SYNE1: variants seen among roughly 807,000 people sequenced by gnomAD.
SYNE1 encodes the protein nesprin-1.
A neutral mutation model predicts 1,111.0 loss-of-function variants in SYNE1; 616 were observed. The observed-to-expected ratio is 0.55, with a 90% CI of 0.52 to 0.59. The LOEUF is 0.59. Among genes scored for constraint, SYNE1 ranks in the 20% least tolerant of loss-of-function variants. The pLI is 0.00. For missense variants in SYNE1, 10,006 were observed against 10,417.0 expected (o/e 0.96, Z 1.72); for synonymous variants, 3,855 against 3,825.8 (o/e 1.01, Z -0.28).
At position 152,419,579 on chromosome 6, in the gene SYNE1, G is replaced by A. The variant is rs1057488084; in HGVS notation, c.5411C>T (p.Thr1804Ile). The change falls in exon 40 of 146, where the codon ACT becomes ATT. Residue 1804 changes from threonine to isoleucine, a missense_variant. By Grantham distance (89) the Thr-to-Ile change is moderately conservative. Around this residue, in one of 7 missense-constraint regions of SYNE1, gnomAD observed 4,955 missense variants for 5,017.2 expected, o/e 0.99. Transcript: ENST00000367255. ...AAAAAACCACTTTACCTTATGCCGAGTAAGGGCTACTTGATGGTCCATTAT... is the reference window on the plus strand; with the variant it reads ...AAAAAACCACTTTACCTTATGCCGAATAAGGGCTACTTGATGGTCCATTAT... ...ISIMDHQVAL[T>I]RHKDHAAEVE... is the part of the protein sequence containing the mutation. 1.2e-6 allele frequency: 2 copies of A among 1,612,204 alleles called. No individual in the cohort carries two copies. The highest frequency in any genetic ancestry group is 1.1e-5 in the South Asian group (1 of 91,012).
At chr6:152,193,804 G>T (rs1404065657) in intron 127 of SYNE1, among the ~76,000 whole-genome samples, 1 of 151,956 alleles carries the variant, frequency 6.6e-6, no homozygotes, top group Non-Finnish European at 1.5e-5. Flanking sequence ...GAGGTTAGGA[G>T]ATCGAAACCA....
chr6:152,625,704 A>G (rs1185442411), intron 3 of SYNE1, among the ~76,000 whole-genome samples: 1 of 152,220 alleles, frequency 6.6e-6, no homozygotes, highest in Admixed American at 6.5e-5. Context: ...TAATAAAATT[A>G]CTAGTTTTAT....
intron 5 of SYNE1, among the ~76,000 whole-genome samples, chr6:152,523,780 T>C (rs2099151571): frequency 6.6e-6 from 1 of 152,106 alleles, no homozygotes; most frequent in African/African-American, 2.4e-5. Context: ...CTTGATTAAA[T>C]ATGTTCCTAG....
Position 152,344,171 on chromosome 6 carries a change from C to T in SYNE1, c.12135G>A (p.Leu4045=), listed in dbSNP as rs751685109. Reference sequence around the variant, plus strand: ...CAGAAAGCCAGGCCTGGCACTGCTGCAGGGTGTCTTGTCGGCTGACGTGCT... The same window carrying T: ...CAGAAAGCCAGGCCTGGCACTGCTGTAGGGTGTCTTGTCGGCTGACGTGCT... ...LQKHVSRQDT[L]QQCQAWLSAV... The change falls in exon 74 of 146, where the codon CTG becomes CTA. Residue 4045 remains leucine, a synonymous_variant. Transcript: ENST00000367255. 18 of 1,614,238 alleles carry T rather than the reference C, an allele frequency of 1.1e-5. No homozygotes were observed. The highest frequency in any genetic ancestry group is 1.5e-5 in the Non-Finnish European group (18 of 1,180,048).
intron 99 of SYNE1, among the ~76,000 whole-genome samples, chr6:152,268,916 T>C (rs1026891028): frequency 6.6e-6 from 1 of 152,260 alleles, no homozygotes; most frequent in Non-Finnish European, 1.5e-5. Flanking sequence ...AGAGCCATGT[T>C]ACACTATTTG....
At chr6:152,527,848 T>G (rs1324570067) in intron 4 of SYNE1, among the ~76,000 whole-genome samples, 3 of 152,186 alleles carry the variant, frequency 2.0e-5, no homozygotes, top group Admixed American at 6.5e-5. Context: ...AATACACAGG[T>G]GTCTGCCACT....
chr6:152,573,878 G>A (rs2099484370), intron 3 of SYNE1, among the ~76,000 whole-genome samples: 1 of 152,046 alleles, frequency 6.6e-6, no homozygotes, highest in African/African-American at 2.4e-5. Flanking sequence ...AACAAAACAG[G>A]TTCATTGTTA....
chr6:152,220,853 G>C lies in SYNE1; in HGVS notation c.21850C>G (p.Gln7284Glu). ...IADDEVATWI[Q>E]DCNDLLKGLG... Reference sequence around the variant, plus strand: ...GCTCCTGAACATACGTTGCAATCTTGAATCCATGTGGCAACCTCATCATCG... The same window carrying C: ...GCTCCTGAACATACGTTGCAATCTTCAATCCATGTGGCAACCTCATCATCG... The change falls in exon 119 of 146, where the codon CAA (glutamine) becomes GAA (glutamate). Residue 7284 changes from glutamine (Q) to glutamate (E), a missense_variant. Gln to Glu is a conservative substitution (Grantham distance 29). This residue lies in a region of SYNE1 where 2,182 missense variants were observed against 2,287.8 expected (regional missense o/e 0.95). Transcript: ENST00000367255. 1.2e-6 allele frequency: 2 copies of C among 1,613,784 alleles called. No individual in the cohort carries two copies. The highest frequency in any genetic ancestry group is 1.7e-6 in the Non-Finnish European group (2 of 1,179,932).
chr6:152,462,861 C>A lies in SYNE1; in HGVS notation c.2127G>T (p.Met709Ile), dbSNP rs764341552. 3 of 1,613,946 alleles carry A rather than the reference C, an allele frequency of 1.9e-6. No individual in the cohort carries two copies. The highest frequency in any genetic ancestry group is 2.5e-6 in the Non-Finnish European group (3 of 1,179,922). Residue 709 changes from methionine to isoleucine, a missense_variant, in exon 20 of 146, where the codon ATG (methionine) becomes ATT (isoleucine). Met to Ile is a conservative substitution (Grantham distance 10). Coordinates refer to ENST00000367255, the MANE Select transcript of SYNE1 (RefSeq NM_182961.4). Reference protein sequence around the residue: ...QYAQADEMDRMKKEYTDCVVT... With the variant: ...QYAQADEMDRIKKEYTDCVVT... ...CAACACAGTCTGTGTATTCCTTCTT[C>A]ATTCTGTCCATCTCATCAGCTTGAG... is the stretch of plus-strand genomic sequence containing the variant.
At chr6:152,218,980 G>A (rs1256482190) in intron 120 of SYNE1, 23 bp downstream of exon 120, 4 of 1,610,662 alleles carry the variant, frequency 2.5e-6, no homozygotes, top group African/African-American at 2.7e-5. Context: ...ATATACAGAA[G>A]ATACTAAATA....
intron 145 of SYNE1, among the ~76,000 whole-genome samples, chr6:152,123,070 T>C (rs2051947068): frequency 6.6e-6 from 1 of 152,230 alleles, no homozygotes; most frequent in Non-Finnish European, 1.5e-5. Context: ...AAGAATATCA[T>C]GAACATTGTT....
intron 131 of SYNE1, among the ~76,000 whole-genome samples, chr6:152,163,822 G>T (rs187467181): frequency 5.3e-5 from 8 of 152,246 alleles, no homozygotes; most frequent in Admixed American, 5.2e-4. Flanking sequence ...ATGGTAGTGG[G>T]CTAGGGCTAG....
intron 31 of SYNE1, 110 bp from the exon 32 acceptor site, chr6:152,441,380 TCA>T: frequency 1.7e-6 from 2 of 1,150,098 alleles, no homozygotes; most frequent in South Asian, 1.4e-5. Context: ...ATTTCAAATT[TCA>T]CACAGTCACA....
chr6:152,468,318 C>T (rs2098783478), intron 16 of SYNE1, among the ~76,000 whole-genome samples: 1 of 152,204 alleles, frequency 6.6e-6, no homozygotes, highest in Admixed American at 6.5e-5. Context: ...TGAATATTCA[C>T]ACTATGTTGC....
At position 152,428,401 on chromosome 6, in the gene SYNE1, A is replaced by C; in HGVS notation, c.4789-9T>G. ...AGGGCCTGGCAGAGATCCTAAGAAG[A>C]GTGCGAGAAGAATGCAGTGAAAGCA... On this transcript the variant is annotated splice_polypyrimidine_tract_variant and intron_variant, in intron 36 of 145. Transcript: ENST00000367255. 7 of 1,613,146 alleles carry C rather than the reference A, an allele frequency of 4.3e-6. No individual in the cohort carries two copies. Among genetic ancestry groups the C allele is most frequent in the Non-Finnish European group, 3.4e-6 (4 of 1,180,026 alleles).
intron 11 of SYNE1, 145 bp from the exon 12 acceptor site, chr6:152,488,648 T>C (rs2098954050): frequency 3.7e-6 from 2 of 542,486 alleles, no homozygotes; most frequent in Non-Finnish European, 6.5e-6. Context: ...TACCCCCACC[T>C]TTAGGACAGT....
At chr6:152,316,736 A>G in intron 87 of SYNE1, 113 bp downstream of exon 87, 1 of 1,253,104 alleles carries the variant, frequency 8.0e-7, no homozygotes, top group Non-Finnish European at 1.1e-6. Context: ...CATTCTTTTT[A>G]TCTGGTAGCT....
chr6:152,252,309 A>ATAG (rs1182280318), intron 104 of SYNE1, among the ~76,000 whole-genome samples: 1 of 151,772 alleles, frequency 6.6e-6, no homozygotes. Flanking sequence ...ATAAATAATA[A>ATAG]AATAAATAAA....
At chr6:152,561,832 G>C (rs1200893450) in intron 3 of SYNE1, among the ~76,000 whole-genome samples, 1 of 152,106 alleles carries the variant, frequency 6.6e-6, no homozygotes, top group Non-Finnish European at 1.5e-5. Flanking sequence ...TTCAGGAAAT[G>C]GTGTTAGGAA....
Sources: allele counts gnomAD v4.1 joint callset (sites outside exome capture counted in the v4.1 genomes callset), GRCh38; gene constraint gnomAD v4.1.1; regional missense constraint gnomAD v4.1.1; transcripts MANE v1.5; gene names NCBI Gene and HGNC (gene_info 2026-07-23, HGNC 2026-07-21).